VRK2: variants seen among roughly 807,000 people sequenced by gnomAD.
VRK2 encodes the protein VRK serine/threonine kinase 2.
Under a neutral mutation model 57.6 loss-of-function variants are expected in VRK2, and 60 were observed. The observed-to-expected ratio is 1.04, with a 90% confidence interval of 0.85 to 1.29. VRK2 has a LOEUF of 1.29. VRK2 is among the 50% of genes most tolerant of loss of function. VRK2 has a pLI of 0.00. For synonymous variants in VRK2, 231 were observed against 199.2 expected (o/e 1.16, Z -1.35); for missense variants, 705 against 588.1 (o/e 1.20, Z -2.06).
chr2:58,102,320 TA>T (rs1005544377), intron 7 of VRK2, among the ~76,000 whole-genome samples: 1 of 151,270 alleles, frequency 6.6e-6, no homozygotes, highest in East Asian at 1.9e-4. Flanking sequence ...GGATTTTTTT[TA>T]AAAAATGAAC....
chr2:58,014,263 A>G (rs1032305109), intron 1 of VRK2, among the ~76,000 whole-genome samples: 2 of 152,202 alleles, frequency 1.3e-5, no homozygotes, highest in African/African-American at 4.8e-5. Flanking sequence ...CATATTGTGC[A>G]TTGGTCAAGA....
intron 1 of VRK2, among the ~76,000 whole-genome samples, chr2:57,968,693 A>C (rs1265752284): frequency 1.3e-5 from 2 of 152,124 alleles, no homozygotes; most frequent in Non-Finnish European, 2.9e-5. Context: ...TGTTACCACG[A>C]GATAAATCAA....
At chr2:58,119,900 T>C (rs908198048) in intron 7 of VRK2, among the ~76,000 whole-genome samples, 1 of 151,936 alleles carries the variant, frequency 6.6e-6, no homozygotes, top group African/African-American at 2.4e-5. Flanking sequence ...TTCATTTTGC[T>C]AAAGGAGTCT....
intron 7 of VRK2, among the ~76,000 whole-genome samples, chr2:58,106,154 A>G (rs531014767): frequency 4.6e-5 from 7 of 152,014 alleles, no homozygotes; most frequent in African/African-American, 1.4e-4. Flanking sequence ...TAGATTGGAA[A>G]TTGAGAGTAT....
intron 1 of VRK2, among the ~76,000 whole-genome samples, chr2:57,973,404 A>G (rs1007266398): frequency 4.6e-5 from 7 of 151,956 alleles, no homozygotes; most frequent in Non-Finnish European, 1.0e-4. Context: ...ATTATAATAC[A>G]TAAGTGTATC....
intron 7 of VRK2, among the ~76,000 whole-genome samples, chr2:58,111,857 A>C (rs563638674): frequency 3.0e-4 from 45 of 152,330 alleles, no homozygotes; most frequent in Admixed American, 2.2e-3. Context: ...TAGATTGGCA[A>C]CTTTTTCTGT....
intron 12 of VRK2, among the ~76,000 whole-genome samples, chr2:58,150,742 A>T: frequency 6.7e-6 from 1 of 148,478 alleles, no homozygotes; most frequent in Non-Finnish European, 1.5e-5. Flanking sequence ...TTTTTCCTTC[A>T]TTTTTTTTCT....
upstream of VRK2, among the ~76,000 whole-genome samples, chr2:58,043,616 T>C (rs573020345): frequency 3.9e-5 from 6 of 152,306 alleles, no homozygotes; most frequent in South Asian, 1.0e-3. Context: ...ATAGTAGATA[T>C]AGTATAATTT....
rs529986053 is a variant in VRK2, at chr2:57,933,049, T to G, written c.-439+25210T>G. On this transcript the variant is annotated intron_variant, in intron 1 of 15. Transcript: ENST00000417641. ...TTTGGAAAAGATCCTTGATATGGTT[T>G]CAGTCTTCTTAAACTTTATATGACT... 2.0e-5 allele frequency among the ~76,000 whole-genome samples: 3 copies of G among 152,218 alleles called. No individual in the cohort carries two copies. The South Asian group carries it at 6.2e-4, about 32-fold the overall frequency.
intron 1 of VRK2, among the ~76,000 whole-genome samples, chr2:57,913,081 T>C (rs992946115): frequency 1.1e-4 from 16 of 152,072 alleles, no homozygotes; most frequent in African/African-American, 3.9e-4. Context: ...GAAAAACAAA[T>C]GCTTGTTGTT....
At chr2:58,122,873 C>G (rs1677729968) in intron 7 of VRK2, among the ~76,000 whole-genome samples, 1 of 152,134 alleles carries the variant, frequency 6.6e-6, no homozygotes, top group Non-Finnish European at 1.5e-5. Flanking sequence ...GATTAAAAAT[C>G]TAAGTCAACT....
intron 1 of VRK2, among the ~76,000 whole-genome samples, chr2:57,910,519 T>C (rs957987682): frequency 1.3e-5 from 2 of 152,206 alleles, no homozygotes; most frequent in Non-Finnish European, 2.9e-5. Flanking sequence ...CCTGTAATAT[T>C]TGCCATCAAT....
chr2:58,151,718 T>G (rs1258993313), intron 12 of VRK2, among the ~76,000 whole-genome samples: 9 of 142,948 alleles, frequency 6.3e-5, no homozygotes, highest in Non-Finnish European at 1.4e-4. Flanking sequence ...TTTTTAACTA[T>G]GCTTCTATGC....
intron 1 of VRK2, among the ~76,000 whole-genome samples, chr2:58,020,395 G>C (rs1246686649): frequency 6.6e-6 from 1 of 152,140 alleles, no homozygotes; most frequent in African/African-American, 2.4e-5. Context: ...TTTAGAGACA[G>C]AGTCTCAATA....
chr2:58,101,248 A>C (rs1256635387), intron 7 of VRK2, among the ~76,000 whole-genome samples: 1 of 151,754 alleles, frequency 6.6e-6, no homozygotes, highest in Non-Finnish European at 1.5e-5. Flanking sequence ...TGATTTTTTC[A>C]GTTTTTTATT....
At chr2:58,006,929 C>G (rs1220580425) in intron 1 of VRK2, among the ~76,000 whole-genome samples, 2 of 152,100 alleles carry the variant, frequency 1.3e-5, no homozygotes. Flanking sequence ...AGTTTACATA[C>G]AGATCCAGAA....
At chr2:58,034,838 G>C (rs1199137333) in intron 3 of VRK2, among the ~76,000 whole-genome samples, 1 of 151,612 alleles carries the variant, frequency 6.6e-6, no homozygotes, top group Non-Finnish European at 1.5e-5. Context: ...TTGAACATCT[G>C]TACACTAGGT....
intron 4 of VRK2, among the ~76,000 whole-genome samples, chr2:58,085,695 A>G (rs1671512667): frequency 6.6e-6 from 1 of 151,924 alleles, no homozygotes; most frequent in South Asian, 2.1e-4. Flanking sequence ...TAAGACTGTA[A>G]TCTTTACTAA....
chr2:58,023,967 A>C (rs1215076809), intron 1 of VRK2, among the ~76,000 whole-genome samples: 1 of 151,112 alleles, frequency 6.6e-6, no homozygotes, highest in African/African-American at 2.4e-5. Flanking sequence ...AACAATAACT[A>C]GTTGGTAAGA....
Sources: gnomAD v4.1 joint callset for allele counts (sites outside exome capture counted in the v4.1 genomes callset) on GRCh38, gnomAD v4.1.1 for gene constraint, MANE v1.5 for transcripts, NCBI Gene and HGNC (gene_info 2026-07-23, HGNC 2026-07-21) for gene names.